NAV2: variants seen among roughly 807,000 people sequenced by gnomAD.
The protein encoded by NAV2 is helicase, APC down-regulated 1.
NAV2 carries 54 observed loss-of-function variants against 223.2 expected under a neutral mutation model. The ratio of observed to expected loss-of-function variants is 0.24; its 90% CI spans 0.19 to 0.30. The LOEUF (loss-of-function observed/expected upper bound fraction) is 0.30, where lower values mean the gene tolerates loss of function less well. Ranked by LOEUF, NAV2 falls within the 10% of genes least tolerant of loss-of-function variation. The pLI, the probability that NAV2 is intolerant of heterozygous loss-of-function variation, is 1.00. For synonymous variants in NAV2, 1,279 were observed against 1,239.3 expected (o/e 1.03, Z -0.67); for missense variants, 2,806 against 3,147.5 (o/e 0.89, Z 2.60).
chr11:19,584,753 A>T (rs7127281), intron 1 of NAV2, among the ~76,000 whole-genome samples: 1 of 152,010 alleles, frequency 6.6e-6, no homozygotes, highest in Non-Finnish European at 1.5e-5. Context: ...ACAGTTTGTT[A>T]TAATTTCTGT....
rs2047167896 is a variant in NAV2 at position 19,949,069 on chromosome 11, C to T, written c.2634C>T (p.Asp878=). ...DVLSKNIRTD[D]ITSGYMTDGG... ...TGAGCAAGAACATCCGGACCGATGA[C>T]ATTACAAGCGGGTAAGTACCCGGGG... Residue 878 remains aspartate, a synonymous_variant, in exon 10 of 38, where the codon GAC becomes GAT. Coordinates refer to ENST00000349880, the MANE Select transcript of NAV2 (RefSeq NM_145117.5). 6.2e-7 allele frequency: 1 copy of T among 1,602,444 alleles called. No homozygotes were observed. Among genetic ancestry groups the T allele is most frequent in the Non-Finnish European group, 8.5e-7 (1 of 1,172,346 alleles).
At chr11:19,422,787 C>G (rs915847213) in intron 1 of NAV2, among the ~76,000 whole-genome samples, 6 of 152,202 alleles carry the variant, frequency 3.9e-5, no homozygotes, top group Non-Finnish European at 8.8e-5. Flanking sequence ...CTCTTTCTTC[C>G]TATGCCTGCT....
At chr11:19,614,562 C>T (rs997192970) in intron 1 of NAV2, among the ~76,000 whole-genome samples, 12 of 152,290 alleles carry the variant, frequency 7.9e-5, no homozygotes, top group African/African-American at 2.9e-4. Flanking sequence ...AGTTGTTACA[C>T]TCAATGAACC....
At chr11:19,928,804 G>A (rs1210082470) in intron 6 of NAV2, among the ~76,000 whole-genome samples, 1 of 152,182 alleles carries the variant, frequency 6.6e-6, no homozygotes, top group Non-Finnish European at 1.5e-5. Flanking sequence ...CTGAAGCCAA[G>A]AGAGGCAAAA....
chr11:19,739,003 A>G (rs1275927316), intron 1 of NAV2, among the ~76,000 whole-genome samples: 1 of 147,824 alleles, frequency 6.8e-6, no homozygotes, highest in African/African-American at 2.6e-5. Flanking sequence ...CAACATGGTG[A>G]AACGCCATCA....
chr11:19,429,083 G>C lies in NAV2; in HGVS notation c.75+78056G>C, dbSNP rs550563524. Among the ~76,000 whole-genome samples, 166 of 152,336 alleles carry C rather than the reference G, an allele frequency of 1.1e-3. 1 individual carries two copies. The highest frequency in any genetic ancestry group is 3.7e-3 in the African/African-American group (153 of 41,578). The stretch of plus-strand genomic sequence containing the variant: ...CCTTTTCTACCCGATTGCACAAGCT[G>C]ATTAAGCCCTCTGTGAAGCCTTTCT... On this transcript the variant is annotated intron_variant, in intron 1 of 37. Transcript: ENST00000360655.
intron 1 of NAV2, among the ~76,000 whole-genome samples, chr11:19,795,777 A>G (rs1381466820): frequency 6.6e-6 from 1 of 152,244 alleles, no homozygotes; most frequent in Non-Finnish European, 1.5e-5. Context: ...TCTCAGTGAC[A>G]GATCTGCCTT....
chr11:19,530,967 CA>C (rs2044011473), intron 1 of NAV2, among the ~76,000 whole-genome samples: 1 of 152,190 alleles, frequency 6.6e-6, no homozygotes. Flanking sequence ...CTGATTCACT[CA>C]ACAAATATTT....
intron 1 of NAV2, among the ~76,000 whole-genome samples, chr11:19,752,450 C>A (rs2053908539): frequency 6.6e-6 from 1 of 152,196 alleles, no homozygotes. Flanking sequence ...AAATGTCAAC[C>A]ATAGGGATGG....
chr11:19,804,316 C>T (rs1316686145), intron 1 of NAV2, among the ~76,000 whole-genome samples: 1 of 152,202 alleles, frequency 6.6e-6, no homozygotes, highest in Non-Finnish European at 1.5e-5. Flanking sequence ...GTAAGCTATC[C>T]CTCTCACATA....
At position 19,892,440 on chromosome 11, in the gene NAV2, A is replaced by G; in HGVS notation, c.777A>G (p.Pro259=). The change falls in exon 6 of 38, where the codon CCA becomes CCG. Residue 259 remains proline, a synonymous_variant. Coordinates refer to ENST00000349880, the MANE Select transcript of NAV2 (RefSeq NM_145117.5). The part of the protein sequence containing the change: ...KAQAEMQSRL[P]GPTARVSAAG... ...TGTTGCTTTTGCATTTTAGACTTCC[A>G]GGTCCTACCGCGAGGGTATCCGCTG... The G allele has an allele frequency of 6.2e-7, 1 of 1,613,714 alleles. No individual in the cohort carries two copies. The highest frequency in any genetic ancestry group is 8.5e-7 in the Non-Finnish European group (1 of 1,179,840).
At chr11:19,403,868 C>T (rs565727926) in intron 1 of NAV2, among the ~76,000 whole-genome samples, 53 of 124,626 alleles carry the variant, frequency 4.3e-4, no homozygotes, top group African/African-American at 1.1e-3. Context: ...CATCTAAAAT[C>T]AGGACTCTCT....
chr11:19,818,949 CT>C (rs1005041100), intron 1 of NAV2, among the ~76,000 whole-genome samples: 1 of 152,170 alleles, frequency 6.6e-6, no homozygotes, highest in African/African-American at 2.4e-5. Context: ...TCATTCATCT[CT>C]TTTTTTCCAC....
At chr11:19,474,638 T>A (rs1231661868) in intron 1 of NAV2, among the ~76,000 whole-genome samples, 1 of 152,212 alleles carries the variant, frequency 6.6e-6, no homozygotes, top group East Asian at 1.9e-4. Context: ...GCCTTATCTG[T>A]AATGCTGTAT....
chr11:19,887,952 T>A (rs868346514), intron 5 of NAV2, among the ~76,000 whole-genome samples: 3 of 123,016 alleles, frequency 2.4e-5, no homozygotes, highest in African/African-American at 1.2e-4. Flanking sequence ...AAGAACTGTT[T>A]TTTTTTTTTG....
intron 1 of NAV2, among the ~76,000 whole-genome samples, chr11:19,637,292 T>A (rs1012651825): frequency 6.6e-6 from 1 of 152,198 alleles, no homozygotes; most frequent in African/African-American, 2.4e-5. Context: ...CACAAACTTC[T>A]GCCTGGTCAG....
chr11:19,676,415 C>T (rs990938872), intron 1 of NAV2, among the ~76,000 whole-genome samples: 1 of 152,114 alleles, frequency 6.6e-6, no homozygotes, highest in Non-Finnish European at 1.5e-5. Context: ...TGAGTATTTA[C>T]AACCTAGCAC....
At chr11:19,906,846 C>G (rs2042904221) in intron 6 of NAV2, among the ~76,000 whole-genome samples, 1 of 152,234 alleles carries the variant, frequency 6.6e-6, no homozygotes, top group African/African-American at 2.4e-5. Context: ...TGTTCTCCAG[C>G]CTTTGGGATT....
chr11:19,698,752 G>A (rs182289965), intron 1 of NAV2, among the ~76,000 whole-genome samples: 152 of 152,274 alleles, frequency 1.0e-3, no homozygotes, highest in African/African-American at 3.4e-3. Flanking sequence ...TCAACACCTC[G>A]GTTGGCATGC....
Sources: gnomAD v4.1 joint callset for allele counts (sites outside exome capture counted in the v4.1 genomes callset) on GRCh38, gnomAD v4.1.1 for gene constraint, MANE v1.5 for transcripts, NCBI Gene and HGNC (gene_info 2026-07-23, HGNC 2026-07-21) for gene names.